Variants in TMEM178B observed in about 807,000 individuals in gnomAD.
TMEM178B encodes the protein transmembrane protein 178B.
A neutral mutation model predicts 31.0 loss-of-function variants in TMEM178B; 5 were observed. The ratio of observed to expected loss-of-function variants is 0.16; its 90% CI spans 0.08 to 0.34. The LOEUF is 0.34. Among genes scored for constraint, TMEM178B ranks in the 10% least tolerant of loss-of-function variants. The pLI is 1.00. For synonymous variants in TMEM178B, 164 were observed against 164.0 expected (o/e 1.00, Z 0.00); for missense variants, 275 against 400.3 (o/e 0.69, Z 2.67).
chr7:141,420,470 T>A (rs1191173975), intron 2 of TMEM178B, among the ~76,000 whole-genome samples: 3 of 152,164 alleles, frequency 2.0e-5, no homozygotes, highest in South Asian at 4.1e-4. Flanking sequence ...AGATCTTTAT[T>A]TGAATGAGCT....
chr7:141,353,081 G>T (rs1290647656), intron 2 of TMEM178B, among the ~76,000 whole-genome samples: 3 of 151,858 alleles, frequency 2.0e-5, no homozygotes, highest in Non-Finnish European at 4.4e-5. Flanking sequence ...TGCCTCCTTG[G>T]ATGCATCCCT....
chr7:141,103,748 G>A (rs928696285), intron 1 of TMEM178B, among the ~76,000 whole-genome samples: 2 of 152,146 alleles, frequency 1.3e-5, no homozygotes, highest in Non-Finnish European at 2.9e-5. Flanking sequence ...TTTTGAATTT[G>A]TACCATATAA....
At chr7:141,310,888 T>A (rs1237714201) in intron 2 of TMEM178B, among the ~76,000 whole-genome samples, 2 of 152,116 alleles carry the variant, frequency 1.3e-5, no homozygotes, top group African/African-American at 2.4e-5. Flanking sequence ...AGCAAAGACA[T>A]GGAATCAACC....
At chr7:141,116,592 G>A (rs1393563872) in intron 1 of TMEM178B, among the ~76,000 whole-genome samples, 3 of 151,490 alleles carry the variant, frequency 2.0e-5, no homozygotes, top group Non-Finnish European at 4.4e-5. Context: ...ACATATACAC[G>A]TGCAGTGGCA....
At chr7:141,416,839 C>T (rs376023209) in intron 2 of TMEM178B, among the ~76,000 whole-genome samples, 2 of 152,216 alleles carry the variant, frequency 1.3e-5, no homozygotes, top group Non-Finnish European at 1.5e-5. Flanking sequence ...GAGTACATAA[C>T]GAGCATTTAC....
At position 141,479,981 on chromosome 7, in the gene TMEM178B, G is replaced by A. The variant is rs956075453; in HGVS notation, c.*9195G>A. 2 of 152,156 alleles carry A rather than the reference G, an allele frequency of 1.3e-5. No homozygotes were observed. Among genetic ancestry groups the A allele is most frequent in the Non-Finnish European group, 2.9e-5 (2 of 68,030 alleles). The allele number at this position is 152,156 out of a possible 1,614,324, so 9.4% of individuals were successfully genotyped here. A position where few individuals can be genotyped will look rare whatever the true frequency, so the allele number is the denominator to read the frequency against. ...TGTGTTGTTTAATCTTAACAAGAAT[G>A]CTACATCTTATCAGATCTATTGTAC... is the stretch of plus-strand genomic sequence containing the variant. On this transcript the variant is annotated 3_prime_UTR_variant, in exon 4 of 4. Coordinates refer to ENST00000565468, the MANE Select transcript of TMEM178B (RefSeq NM_001195278.2).
chr7:141,232,629 G>A (rs1797466049), intron 2 of TMEM178B, among the ~76,000 whole-genome samples: 1 of 152,168 alleles, frequency 6.6e-6, no homozygotes, highest in African/African-American at 2.4e-5. Context: ...TTAATTCTTA[G>A]TTGAAATAGA....
intron 1 of TMEM178B, among the ~76,000 whole-genome samples, chr7:141,124,581 G>A (rs972336021): frequency 3.9e-5 from 6 of 152,106 alleles, no homozygotes; most frequent in African/African-American, 1.4e-4. Flanking sequence ...GATCCCTTCA[G>A]AGTATCTACT....
At chr7:141,385,516 A>T (rs1183866200) in intron 2 of TMEM178B, among the ~76,000 whole-genome samples, 1 of 152,258 alleles carries the variant, frequency 6.6e-6, no homozygotes. Context: ...TTTATAAGTA[A>T]TTCATACCTA....
At chr7:141,254,097 G>A (rs1797882403) in intron 2 of TMEM178B, among the ~76,000 whole-genome samples, 1 of 152,218 alleles carries the variant, frequency 6.6e-6, no homozygotes, top group Non-Finnish European at 1.5e-5. Context: ...TGATAGTAAA[G>A]TAGAAGAGAA....
chr7:141,371,784 T>A (rs1800121833), intron 2 of TMEM178B, among the ~76,000 whole-genome samples: 1 of 152,146 alleles, frequency 6.6e-6, no homozygotes, highest in Admixed American at 6.5e-5. Context: ...ACTCAGCCCA[T>A]CTGTCCACCT....
chr7:141,318,385 C>A lies in TMEM178B; in HGVS notation c.496+105681C>A, dbSNP rs1799041754. On this transcript the variant is annotated intron_variant, in intron 2 of 3. Transcript: ENST00000565468. This position sits in a 1 kb window ranked among gnomAD's most constrained non-coding sequence, Gnocchi z 4.1. ...CTACAAAGCTTGGTTGTTCACATATCCAAGCTGGCTTGAATTAATCTAGTG... is the reference window on the plus strand; with the variant it reads ...CTACAAAGCTTGGTTGTTCACATATACAAGCTGGCTTGAATTAATCTAGTG... Among the ~76,000 whole-genome samples the A allele has an allele frequency of 6.6e-6, 1 of 152,146 alleles. No individual in the cohort carries two copies. The highest frequency in any genetic ancestry group is 6.5e-5 in the Admixed American group (1 of 15,278).
intron 1 of TMEM178B, among the ~76,000 whole-genome samples, chr7:141,092,618 T>C (rs910241195): frequency 1.3e-5 from 2 of 152,194 alleles, no homozygotes; most frequent in Non-Finnish European, 2.9e-5. Flanking sequence ...GGGCTTAGGA[T>C]GCAGTAGTTC....
chr7:141,222,802 G>T (rs539210443), intron 2 of TMEM178B, among the ~76,000 whole-genome samples: 14 of 152,320 alleles, frequency 9.2e-5, no homozygotes, highest in African/African-American at 3.4e-4. Context: ...TGTAGGAGTA[G>T]AAAGTGGCTG....
At position 141,212,610 on chromosome 7, in the gene TMEM178B, G is replaced by C. The variant is rs1223550785; in HGVS notation, c.402G>C (p.Thr134=). 1.3e-6 allele frequency: 2 copies of C among 1,536,004 alleles called. No homozygotes were observed. The highest frequency in any genetic ancestry group is 3.9e-5 in the Admixed American group (2 of 50,996). ...LIRKGEIERC[T]YIKYHYSSAT... is the part of the protein sequence containing the mutation. ...TTCTAGGAGAAATTGAGCGATGTAC[G>C]TACATCAAATACCACTACTCCTCAG... The change falls in exon 2 of 4, where the codon ACG becomes ACC. Residue 134 remains threonine (T), a synonymous_variant. Transcript: ENST00000565468.
intron 2 of TMEM178B, among the ~76,000 whole-genome samples, chr7:141,385,941 G>C (rs553479913): frequency 1.3e-5 from 2 of 152,308 alleles, no homozygotes; most frequent in South Asian, 4.2e-4. Context: ...AGAGAGATTG[G>C]ACTCTTCTTC....
intron 2 of TMEM178B, among the ~76,000 whole-genome samples, chr7:141,324,759 C>T (rs1270023239): frequency 6.6e-6 from 1 of 152,068 alleles, no homozygotes; most frequent in East Asian, 1.9e-4. Flanking sequence ...TGTGTGCACG[C>T]ACACATTTGT....
At chr7:141,158,068 G>A (rs922937839) in intron 1 of TMEM178B, among the ~76,000 whole-genome samples, 3 of 152,092 alleles carry the variant, frequency 2.0e-5, no homozygotes, top group Non-Finnish European at 4.4e-5. Flanking sequence ...TTTACCATGT[G>A]GTATTTAAGC....
intron 1 of TMEM178B, among the ~76,000 whole-genome samples, chr7:141,118,880 T>C (rs1795366234): frequency 6.6e-6 from 1 of 152,204 alleles, no homozygotes; most frequent in Non-Finnish European, 1.5e-5. Flanking sequence ...TCTTACTTCC[T>C]AGCAAAGTTT....
Sources: allele counts gnomAD v4.1 joint callset (sites outside exome capture counted in the v4.1 genomes callset), GRCh38; gene constraint gnomAD v4.1.1; non-coding constraint Gnocchi (gnomAD v3.1); transcripts MANE v1.5; gene names NCBI Gene and HGNC (gene_info 2026-07-23, HGNC 2026-07-21).